SUMF1: variants seen among roughly 807,000 people sequenced by gnomAD.
SUMF1 encodes the protein sulfatase modifying factor 1.
In SUMF1, 48 loss-of-function variants were observed where a neutral mutation model predicts 47.6. That is an observed-to-expected ratio of 1.01 (90% CI 0.80 to 1.28). The LOEUF is 1.28. Among genes scored for constraint, SUMF1 ranks in the 50% most tolerant of loss-of-function variants. The pLI, the probability that SUMF1 is intolerant of heterozygous loss-of-function variation, is 0.00. For synonymous variants in SUMF1, 230 were observed against 192.1 expected (o/e 1.20, Z -1.63); for missense variants, 571 against 485.4 (o/e 1.18, Z -1.66).
intron 8 of SUMF1, among the ~76,000 whole-genome samples, chr3:4,225,310 T>C (rs1191460179): frequency 6.6e-6 from 1 of 152,094 alleles, no homozygotes; most frequent in Non-Finnish European, 1.5e-5. Context: ...CTCAGTCAGC[T>C]TCAAGTTAAT....
intron 9 of SUMF1, among the ~76,000 whole-genome samples, chr3:4,053,958 G>T (rs1295630742): frequency 6.6e-6 from 1 of 152,102 alleles, no homozygotes; most frequent in East Asian, 1.9e-4. Context: ...TAATTTGGAA[G>T]CCCTACAATG....
At chr3:4,340,200 T>A (rs1699242372) in intron 8 of SUMF1, among the ~76,000 whole-genome samples, 1 of 152,248 alleles carries the variant, frequency 6.6e-6, no homozygotes, top group South Asian at 2.1e-4. Flanking sequence ...CCTGAGTATC[T>A]GCATTTGAAA....
At chr3:4,066,102 G>A (rs1695370630) in intron 9 of SUMF1, among the ~76,000 whole-genome samples, 1 of 152,038 alleles carries the variant, frequency 6.6e-6, no homozygotes, top group Admixed American at 6.6e-5. Context: ...AGGGTGAAAA[G>A]TGGATCTGGA....
intron 8 of SUMF1, among the ~76,000 whole-genome samples, chr3:4,234,975 C>G (rs1401444005): frequency 6.6e-6 from 1 of 152,054 alleles, no homozygotes; most frequent in Non-Finnish European, 1.5e-5. Context: ...AGAGGTTTAA[C>G]AGGAACGTAA....
chr3:4,233,224 G>A (rs943934814), intron 8 of SUMF1, among the ~76,000 whole-genome samples: 4 of 152,040 alleles, frequency 2.6e-5, no homozygotes, highest in African/African-American at 7.2e-5. Context: ...TCTGAGATCC[G>A]CAGATGGCAT....
intron 9 of SUMF1, among the ~76,000 whole-genome samples, chr3:4,042,309 T>A (rs1694921215): frequency 1.3e-5 from 2 of 151,928 alleles, no homozygotes; most frequent in Admixed American, 6.6e-5. Context: ...CAAAATGGAG[T>A]CACTAAAGTT....
intron 8 of SUMF1, chr3:4,313,455 C>G (rs1384143856): frequency 1.2e-6 from 2 of 1,613,978 alleles, no homozygotes; most frequent in South Asian, 2.2e-5. Flanking sequence ...TCCGAATTGA[C>G]TCAATGGTAC....
intron 8 of SUMF1, among the ~76,000 whole-genome samples, chr3:4,072,111 T>G (rs1270252995): frequency 1.3e-5 from 2 of 152,080 alleles, no homozygotes; most frequent in Non-Finnish European, 2.9e-5. Context: ...GCAGCAATAT[T>G]TGCTGTTCTG....
At chr3:4,127,321 T>C (rs1338602642) in intron 8 of SUMF1, among the ~76,000 whole-genome samples, 1 of 152,108 alleles carries the variant, frequency 6.6e-6, no homozygotes, top group African/African-American at 2.4e-5. Context: ...GTCAACTTGA[T>C]CGGAATGAAG....
intron 8 of SUMF1, among the ~76,000 whole-genome samples, chr3:4,294,227 T>G (rs774901170): frequency 2.6e-5 from 4 of 152,154 alleles, no homozygotes; most frequent in Non-Finnish European, 5.9e-5. Flanking sequence ...TAATTAAAAT[T>G]GATAAATTTG....
At chr3:4,316,968 C>T (rs2125110460) in intron 8 of SUMF1, 1 of 1,549,428 alleles carries the variant, frequency 6.5e-7, no homozygotes, top group Non-Finnish European at 8.7e-7. Flanking sequence ...TGCCCGACCG[C>T]ATGTTGCACA....
At chr3:4,314,022 T>G in intron 8 of SUMF1, 3 of 581,812 alleles carry the variant, frequency 5.2e-6, no homozygotes, top group Non-Finnish European at 8.8e-6. Flanking sequence ...AAATGACAAG[T>G]CCTTAAATGG....
At chr3:4,252,585 C>T (rs747145320) in intron 8 of SUMF1, among the ~76,000 whole-genome samples, 10 of 152,120 alleles carry the variant, frequency 6.6e-5, no homozygotes, top group Admixed American at 3.9e-4. Flanking sequence ...TTTACACGTA[C>T]AATGAACTTA....
chr3:4,097,909 C>A lies in SUMF1; in HGVS notation c.1015-29164G>T, dbSNP rs912379510. On this transcript the variant is annotated intron_variant and NMD_transcript_variant, in intron 8 of 12. Transcript: ENST00000448413. ...TTGGTGTGGCATTCACAAAGAGAGA[C>A]ATGCTTCCAAAAATTCTCAAGACAC... 5.3e-5 allele frequency among the ~76,000 whole-genome samples: 8 copies of A among 152,158 alleles called. 1 individual carries two copies. The highest frequency in any genetic ancestry group is 1.0e-4 in the Non-Finnish European group (7 of 68,036).
At chr3:4,140,535 C>A (rs79868084) in intron 8 of SUMF1, among the ~76,000 whole-genome samples, 4,326 of 151,866 alleles carry the variant, frequency 0.028, 105 homozygotes, top group African/African-American at 0.051. Flanking sequence ...TCTTTCTTTC[C>A]TGCTGAAATA....
intron 8 of SUMF1, among the ~76,000 whole-genome samples, chr3:4,336,644 T>C (rs924369236): frequency 7.2e-5 from 11 of 152,226 alleles, no homozygotes; most frequent in African/African-American, 2.2e-4. Context: ...GAACAAATTA[T>C]ATGGAAAAAT....
chr3:4,235,747 C>T (rs138648115), intron 8 of SUMF1, among the ~76,000 whole-genome samples: 74 of 152,134 alleles, frequency 4.9e-4, no homozygotes, highest in Non-Finnish European at 8.4e-4. Flanking sequence ...GTCAGGAAAA[C>T]TATCTGCTGA....
At chr3:4,085,197 T>C (rs948677246) in intron 8 of SUMF1, among the ~76,000 whole-genome samples, 3 of 152,106 alleles carry the variant, frequency 2.0e-5, no homozygotes, top group Non-Finnish European at 4.4e-5. Context: ...AGAACATGTG[T>C]TTCCCAGTAC....
At chr3:4,035,995 TTGTC>T (rs1388343452) in intron 9 of SUMF1, among the ~76,000 whole-genome samples, 2 of 152,202 alleles carry the variant, frequency 1.3e-5, no homozygotes, top group East Asian at 3.9e-4. Flanking sequence ...GAAAATGACT[TTGTC>T]TGCTGGAGTT....
Sources: gnomAD v4.1 joint callset for allele counts (sites outside exome capture counted in the v4.1 genomes callset) on GRCh38, gnomAD v4.1.1 for gene constraint, MANE v1.5 for transcripts, NCBI Gene and HGNC (gene_info 2026-07-23, HGNC 2026-07-21) for gene names.